INSC: variants seen among roughly 807,000 people sequenced by gnomAD.
INSC encodes the protein INSC spindle orientation adaptor protein.
Under a neutral mutation model 58.6 loss-of-function variants are expected in INSC, and 67 were observed. That is an observed-to-expected ratio of 1.14 (90% CI 0.94 to 1.40). The LOEUF (loss-of-function observed/expected upper bound fraction) is 1.40. Ranked by LOEUF, INSC falls within the 40% of genes most tolerant of loss-of-function variation. The pLI is 0.00. For synonymous variants in INSC, 262 were observed against 276.1 expected (o/e 0.95, Z 0.51); for missense variants, 714 against 692.0 (o/e 1.03, Z -0.36).
At chr11:15,221,025 C>G (rs750196628) in intron 7 of INSC, among the ~76,000 whole-genome samples, 18 of 152,188 alleles carry the variant, frequency 1.2e-4, no homozygotes, top group Non-Finnish European at 2.2e-4. Flanking sequence ...TGCTTTATCT[C>G]TTCAATCCCA....
chr11:15,114,976 C>G lies in INSC; in HGVS notation c.-73C>G, dbSNP rs1469897509. On this transcript the variant is annotated 5_prime_UTR_variant, in exon 1 of 13. Coordinates refer to ENST00000379556, the MANE Select transcript of INSC (RefSeq NM_001042536.3). Reference sequence around the variant, plus strand: ...CTGCGCCCCGCCACCACTGGCCGCTCGCACTACCAGCCTGTCTCGCACGCT... The same window carrying G: ...CTGCGCCCCGCCACCACTGGCCGCTGGCACTACCAGCCTGTCTCGCACGCT... The G allele has an allele frequency of 1.8e-5, 18 of 985,482 alleles. No homozygotes were observed. The highest frequency in any genetic ancestry group is 6.1e-5 in the Admixed American group (1 of 16,294). The allele number at this position is 985,482 out of a possible 1,614,324, so 61.0% of individuals were successfully genotyped here.
the INSC span, among the ~76,000 whole-genome samples, chr11:15,269,196 G>C: frequency 1.3e-5 from 2 of 151,784 alleles, no homozygotes; most frequent in Non-Finnish European, 2.9e-5. Flanking sequence ...TCCCCTTCCA[G>C]GTGCTCAAAC....
chr11:15,141,514 C>T (rs753939708), intron 1 of INSC, among the ~76,000 whole-genome samples: 7 of 152,190 alleles, frequency 4.6e-5, no homozygotes, highest in African/African-American at 1.7e-4. Context: ...TGACACCTGA[C>T]AGCTGTGAGG....
At chr11:15,208,926 G>C (rs1057254327) in intron 7 of INSC, among the ~76,000 whole-genome samples, 7 of 152,244 alleles carry the variant, frequency 4.6e-5, no homozygotes, top group African/African-American at 1.4e-4. Flanking sequence ...GGGCCAGTGT[G>C]TGGGGCGGAG....
At chr11:15,142,856 T>G (rs1342249308) in intron 1 of INSC, among the ~76,000 whole-genome samples, 1 of 152,130 alleles carries the variant, frequency 6.6e-6, no homozygotes, top group Non-Finnish European at 1.5e-5. Context: ...AGCGTACATG[T>G]GCACAAAGGT....
chr11:15,225,587 A>C, intron 8 of INSC, 63 bp from the exon 9 acceptor site: 12 of 1,513,482 alleles, frequency 7.9e-6, no homozygotes, highest in Non-Finnish European at 1.1e-5. Flanking sequence ...GTGTGAACCA[A>C]ATGAGACAAG....
Position 15,178,424 on chromosome 11 carries a change from C to T in INSC, c.556C>T (p.Leu186=). The T allele has an allele frequency of 6.2e-7, 1 of 1,612,012 alleles. No individual in the cohort carries two copies. Among genetic ancestry groups the T allele is most frequent in the Non-Finnish European group, 8.5e-7 (1 of 1,180,012 alleles). ...CCAGCACTTTGGTCAGCTGCTGGAG[C>T]TGGCCCTGACACGGGAGGTTCAGGT... is the stretch of plus-strand genomic sequence containing the variant. The part of the protein sequence containing the change: ...LGQHFGQLLE[L]ALTREVQALV... Residue 186 remains leucine, a synonymous_variant, in exon 5 of 13, where the codon CTG becomes TTG. Transcript: ENST00000379556.
chr11:15,219,025 A>G (rs1851334122), intron 7 of INSC, among the ~76,000 whole-genome samples: 1 of 152,176 alleles, frequency 6.6e-6, no homozygotes. Flanking sequence ...CAGAGATGGC[A>G]GGGGGACAGG....
At chr11:15,149,006 G>A in intron 1 of INSC, 124 bp from the exon 2 acceptor site, 1 of 1,187,474 alleles carries the variant, frequency 8.4e-7, no homozygotes, top group Non-Finnish European at 1.1e-6. Context: ...TTCAACAGAA[G>A]AAGAGGGCTA....
At chr11:15,158,979 C>A (rs1339189044) in intron 2 of INSC, among the ~76,000 whole-genome samples, 1 of 149,818 alleles carries the variant, frequency 6.7e-6, no homozygotes, top group Non-Finnish European at 1.5e-5. Context: ...TCTGAGCAGG[C>A]CCATGGAGAA....
At chr11:15,256,747 C>T in the INSC span, among the ~76,000 whole-genome samples, 5 of 152,118 alleles carry the variant, frequency 3.3e-5, no homozygotes, top group African/African-American at 1.2e-4. Flanking sequence ...TTCGGCCTCT[C>T]AAAGTGCTGG....
intron 12 of INSC, among the ~76,000 whole-genome samples, chr11:15,241,410 T>C (rs1852348388): frequency 6.6e-6 from 1 of 152,244 alleles, no homozygotes; most frequent in Non-Finnish European, 1.5e-5. Context: ...CTGATGGGCG[T>C]TGTGCCGTTG....
At chr11:15,125,316 C>T (rs1847966587) in intron 1 of INSC, among the ~76,000 whole-genome samples, 1 of 152,118 alleles carries the variant, frequency 6.6e-6, no homozygotes, top group Admixed American at 6.5e-5. Flanking sequence ...GAGATCAATG[C>T]AATAATGGGT....
chr11:15,148,001 G>A (rs1168084829), intron 1 of INSC, among the ~76,000 whole-genome samples: 2 of 152,166 alleles, frequency 1.3e-5, no homozygotes, highest in African/African-American at 4.8e-5. Context: ...TGGGGGAGTT[G>A]GCAGAGAGAG....
At chr11:15,124,868 G>A (rs1847954091) in intron 1 of INSC, among the ~76,000 whole-genome samples, 1 of 152,146 alleles carries the variant, frequency 6.6e-6, no homozygotes, top group Non-Finnish European at 1.5e-5. Context: ...AGACTCATTT[G>A]CTCATTCCCT....
At chr11:15,228,420 G>A (rs537906448) in intron 9 of INSC, among the ~76,000 whole-genome samples, 31 of 152,256 alleles carry the variant, frequency 2.0e-4, no homozygotes, top group African/African-American at 6.7e-4. Context: ...ACCTTTTCAC[G>A]TTACTCCACT....
intron 2 of INSC, among the ~76,000 whole-genome samples, chr11:15,153,327 G>A (rs1848709874): frequency 6.6e-6 from 1 of 152,364 alleles, no homozygotes; most frequent in Non-Finnish European, 1.5e-5. Context: ...GGATGCAGCT[G>A]CAGCTTGTGG....
At chr11:15,149,332 A>G in intron 2 of INSC, 102 bp downstream of exon 2, 6 of 1,213,430 alleles carry the variant, frequency 4.9e-6, no homozygotes, top group Non-Finnish European at 6.5e-6. Flanking sequence ...CCATCTTCCC[A>G]CGCAATTTTC....
chr11:15,215,597 C>A (rs1814755791), intron 7 of INSC, among the ~76,000 whole-genome samples: 1 of 152,222 alleles, frequency 6.6e-6, no homozygotes, highest in African/African-American at 2.4e-5. Context: ...CTCCCTGGGC[C>A]TCCATTTCCT....
Sources: allele counts gnomAD v4.1 joint callset (sites outside exome capture counted in the v4.1 genomes callset), GRCh38; gene constraint gnomAD v4.1.1; transcripts MANE v1.5; gene names NCBI Gene and HGNC (gene_info 2026-07-23, HGNC 2026-07-21).